Variants in GALNTL6 observed in about 807,000 individuals in gnomAD.
The protein encoded by GALNTL6 is polypeptide N-acetylgalactosaminyltransferase-like 6.
Under a neutral mutation model 73.7 loss-of-function variants are expected in GALNTL6, and 46 were observed. The ratio of observed to expected loss-of-function variants is 0.62; its 90% CI spans 0.49 to 0.80. The LOEUF (loss-of-function observed/expected upper bound fraction) is 0.80, where lower values mean the gene tolerates loss of function less well. Ranked by LOEUF, GALNTL6 falls within the 30% of genes least tolerant of loss-of-function variation. The pLI, the probability that GALNTL6 is intolerant of heterozygous loss-of-function variation, is 0.00. For missense variants in GALNTL6, 604 were observed against 755.0 expected (o/e 0.80, Z 2.34); for synonymous variants, 259 against 263.7 (o/e 0.98, Z 0.17).
chr4:171,987,215 G>A (rs1159531145), intron 2 of GALNTL6, among the ~76,000 whole-genome samples: 1 of 152,180 alleles, frequency 6.6e-6, no homozygotes, highest in Non-Finnish European at 1.5e-5. Context: ...GTTGGTGGCT[G>A]AGCTTGGTGA....
At chr4:172,339,662 C>T (rs1741491424) in intron 4 of GALNTL6, among the ~76,000 whole-genome samples, 1 of 152,190 alleles carries the variant, frequency 6.6e-6, no homozygotes, top group Admixed American at 6.5e-5. Context: ...CTCTGAGTTT[C>T]TCCAAGCCTC....
chr4:172,345,217 TC>T (rs1454015982), intron 4 of GALNTL6, among the ~76,000 whole-genome samples: 4 of 152,108 alleles, frequency 2.6e-5, no homozygotes, highest in Non-Finnish European at 5.9e-5. Context: ...CCTAGTCTGA[TC>T]TATAAAGTGT....
intron 5 of GALNTL6, among the ~76,000 whole-genome samples, chr4:172,351,915 C>G (rs1187675458): frequency 6.6e-6 from 1 of 152,082 alleles, no homozygotes; most frequent in Non-Finnish European, 1.5e-5. Context: ...AAGCACTAAA[C>G]TTTAACAAGA....
chr4:172,547,232 T>G (rs1444676378), intron 5 of GALNTL6, among the ~76,000 whole-genome samples: 1 of 152,058 alleles, frequency 6.6e-6, no homozygotes, highest in Non-Finnish European at 1.5e-5. Flanking sequence ...GGTCCCTGCC[T>G]ATAATGCCAT....
At chr4:172,921,515 G>A (rs1310226077) in intron 8 of GALNTL6, among the ~76,000 whole-genome samples, 1 of 152,080 alleles carries the variant, frequency 6.6e-6, no homozygotes, top group Non-Finnish European at 1.5e-5. Flanking sequence ...AAAATGCCAG[G>A]CCAGGCACAG....
At chr4:172,052,689 G>T (rs1226310148) in intron 2 of GALNTL6, among the ~76,000 whole-genome samples, 2 of 152,116 alleles carry the variant, frequency 1.3e-5, no homozygotes, top group Non-Finnish European at 2.9e-5. Flanking sequence ...GACAAGGTTA[G>T]CTTTGCTATC....
chr4:172,421,438 A>T (rs956980271), intron 5 of GALNTL6, among the ~76,000 whole-genome samples: 1 of 152,002 alleles, frequency 6.6e-6, no homozygotes, highest in Non-Finnish European at 1.5e-5. Context: ...ACATAAATAA[A>T]ATTGTATTGT....
At chr4:172,829,163 A>G (rs1366206314) in intron 7 of GALNTL6, among the ~76,000 whole-genome samples, 2 of 152,242 alleles carry the variant, frequency 1.3e-5, no homozygotes, top group Non-Finnish European at 2.9e-5. Context: ...CATGCAAGAT[A>G]TTCGCCATCC....
At chr4:172,586,817 T>G (rs965315140) in intron 5 of GALNTL6, among the ~76,000 whole-genome samples, 6 of 152,236 alleles carry the variant, frequency 3.9e-5, no homozygotes, top group African/African-American at 1.4e-4. Context: ...AGCTAATTTG[T>G]CCTCCTATTG....
Position 172,894,861 on chromosome 4 carries a change from T to C in GALNTL6, c.1041+11954T>C, listed in dbSNP as rs566972122. On this transcript the variant is annotated intron_variant, in intron 8 of 12. Transcript: ENST00000506823. ...TGCTTTATATGTCTGGGTGTTTTGGTATTGGTATTGGGTGCACATGTATTT... is the reference window on the plus strand; with the variant it reads ...TGCTTTATATGTCTGGGTGTTTTGGCATTGGTATTGGGTGCACATGTATTT... 5.9e-5 allele frequency among the ~76,000 whole-genome samples: 9 copies of C among 152,222 alleles called. 1 individual carries two copies. In the East Asian group the frequency reaches 1.7e-3, roughly 29 times the overall value.
chr4:171,831,274 T>C (rs913035104), intron 2 of GALNTL6, among the ~76,000 whole-genome samples: 3 of 151,922 alleles, frequency 2.0e-5, no homozygotes, highest in Non-Finnish European at 4.4e-5. Flanking sequence ...AGGTAAAACA[T>C]GCGAAAGAGA....
chr4:172,695,480 C>T (rs1733626872), intron 5 of GALNTL6, among the ~76,000 whole-genome samples: 1 of 152,078 alleles, frequency 6.6e-6, no homozygotes, highest in Admixed American at 6.6e-5. Flanking sequence ...TAAATATATC[C>T]AAAAATACCA....
intron 8 of GALNTL6, among the ~76,000 whole-genome samples, chr4:172,883,137 T>G (rs1165871370): frequency 6.6e-6 from 1 of 152,168 alleles, no homozygotes; most frequent in Non-Finnish European, 1.5e-5. Flanking sequence ...TTTTGAAACA[T>G]GTATACAATG....
intron 8 of GALNTL6, among the ~76,000 whole-genome samples, chr4:172,913,166 A>G (rs1287923119): frequency 6.6e-6 from 1 of 152,210 alleles, no homozygotes; most frequent in Non-Finnish European, 1.5e-5. Flanking sequence ...GACTGTTAGA[A>G]GGAAAACTAA....
chr4:171,980,251 A>G (rs1579027392), intron 2 of GALNTL6, among the ~76,000 whole-genome samples: 1 of 152,176 alleles, frequency 6.6e-6, no homozygotes, highest in Admixed American at 6.5e-5. Flanking sequence ...AAAATCCCTG[A>G]ACTGGTAGAA....
intron 2 of GALNTL6, among the ~76,000 whole-genome samples, chr4:171,885,811 AATAAT>A (rs1470951278): frequency 1.3e-5 from 2 of 152,204 alleles, no homozygotes; most frequent in African/African-American, 4.8e-5. Flanking sequence ...TCTCAAAACA[AATAAT>A]AAAATAAAAT....
At chr4:172,026,197 G>C (rs1489496904) in intron 2 of GALNTL6, among the ~76,000 whole-genome samples, 2 of 145,224 alleles carry the variant, frequency 1.4e-5, no homozygotes, top group East Asian at 4.1e-4. Context: ...TATTGCATTT[G>C]TTTCAATTAA....
chr4:172,837,019 C>T (rs764816649), intron 7 of GALNTL6, among the ~76,000 whole-genome samples: 1 of 152,160 alleles, frequency 6.6e-6, no homozygotes, highest in Non-Finnish European at 1.5e-5. Context: ...ATTATCAAAA[C>T]ACAGAACCTC....
intron 5 of GALNTL6, among the ~76,000 whole-genome samples, chr4:172,452,190 A>G (rs1579084035): frequency 6.6e-6 from 1 of 152,296 alleles, no homozygotes; most frequent in East Asian, 1.9e-4. Flanking sequence ...TGCTATAGCA[A>G]CTACACTAAA....
Sources: gnomAD v4.1 joint callset for allele counts (sites outside exome capture counted in the v4.1 genomes callset) on GRCh38, gnomAD v4.1.1 for gene constraint, MANE v1.5 for transcripts, NCBI Gene and HGNC (gene_info 2026-07-23, HGNC 2026-07-21) for gene names.